Variants in SMAP1 observed in about 807,000 individuals in gnomAD.
The protein encoded by SMAP1 is small ArfGAP 1, also known as stromal membrane-associated protein 1.
SMAP1 carries 24 observed loss-of-function variants against 58.5 expected under a neutral mutation model. That is an observed-to-expected ratio of 0.41 (90% CI 0.30 to 0.58). The LOEUF is 0.58. Among genes scored for constraint, SMAP1 ranks in the 20% least tolerant of loss-of-function variants. SMAP1 has a pLI of 0.29. For missense variants in SMAP1, 563 were observed against 566.3 expected (o/e 0.99, Z 0.06); for synonymous variants, 216 against 196.6 (o/e 1.10, Z -0.82).
intron 1 of SMAP1, among the ~76,000 whole-genome samples, chr6:70,683,574 A>G (rs1419645381): frequency 6.6e-6 from 1 of 152,120 alleles, no homozygotes; most frequent in South Asian, 2.1e-4. Flanking sequence ...TCTCTTGACC[A>G]GTCATTGGGC....
At chr6:70,767,512 T>C (rs1329796794) in intron 3 of SMAP1, among the ~76,000 whole-genome samples, 1 of 152,192 alleles carries the variant, frequency 6.6e-6, no homozygotes, top group Non-Finnish European at 1.5e-5. Context: ...TTTGAAGCAA[T>C]TGTGCATGGG....
At chr6:70,847,610 G>A (rs770002674) in intron 7 of SMAP1, among the ~76,000 whole-genome samples, 2 of 152,044 alleles carry the variant, frequency 1.3e-5, no homozygotes, top group Non-Finnish European at 2.9e-5. Context: ...TTTTCAAGGG[G>A]TCCTTTGTGC....
intron 1 of SMAP1, among the ~76,000 whole-genome samples, chr6:70,713,788 C>G (rs1171160065): frequency 6.6e-6 from 1 of 151,986 alleles, no homozygotes; most frequent in African/African-American, 2.4e-5. Context: ...AGCCCCGTTT[C>G]TTTATTAATT....
chr6:70,821,581 A>G (rs1769893576), intron 6 of SMAP1, among the ~76,000 whole-genome samples: 1 of 152,154 alleles, frequency 6.6e-6, no homozygotes, highest in Non-Finnish European at 1.5e-5. Context: ...ATTGACTACT[A>G]CGTGAAGAAA....
At chr6:70,723,185 G>T (rs1045156909) in intron 1 of SMAP1, among the ~76,000 whole-genome samples, 1 of 152,096 alleles carries the variant, frequency 6.6e-6, no homozygotes, top group Non-Finnish European at 1.5e-5. Context: ...TCAGGCTGGA[G>T]TGCAGTGGCT....
intron 1 of SMAP1, among the ~76,000 whole-genome samples, chr6:70,719,521 C>T (rs1021090696): frequency 1.3e-5 from 2 of 152,138 alleles, no homozygotes; most frequent in African/African-American, 4.8e-5. Context: ...CACCCATTTC[C>T]CCCCTGAACT....
chr6:70,767,902 G>C lies in SMAP1; in HGVS notation c.339-5448G>C, dbSNP rs374871947. On this transcript the variant is annotated intron_variant, in intron 3 of 10. Coordinates refer to ENST00000370455, the MANE Select transcript of SMAP1 (RefSeq NM_001044305.3). ...GGCTGTGGGTTTGTCATAGATAGCTGTTATTATTTTGAGATACGTCCCACC... is the reference window on the plus strand; with the variant it reads ...GGCTGTGGGTTTGTCATAGATAGCTCTTATTATTTTGAGATACGTCCCACC... 1.0e-4 allele frequency among the ~76,000 whole-genome samples: 15 copies of C among 144,076 alleles called. No homozygotes were observed. In the Middle Eastern group the frequency reaches 0.01, roughly 99 times the overall value. The allele number at this position is 144,076 out of a possible 152,430, so 94.5% of individuals were successfully genotyped here. A position where few individuals can be genotyped will look rare whatever the true frequency, so the allele number is the denominator to read the frequency against.
At chr6:70,772,184 G>C (rs1407676171) in intron 3 of SMAP1, among the ~76,000 whole-genome samples, 3 of 152,120 alleles carry the variant, frequency 2.0e-5, no homozygotes, top group Non-Finnish European at 2.9e-5. Context: ...CAGTGGCTCG[G>C]GTAGAAATAA....
chr6:70,769,148 G>T (rs1344397132), intron 3 of SMAP1, among the ~76,000 whole-genome samples: 1 of 152,144 alleles, frequency 6.6e-6, no homozygotes, highest in African/African-American at 2.4e-5. Flanking sequence ...TTTTACATTT[G>T]CTGAGGAGAG....
intron 1 of SMAP1, among the ~76,000 whole-genome samples, chr6:70,686,011 T>C (rs948400674): frequency 6.6e-6 from 1 of 152,140 alleles, no homozygotes; most frequent in Admixed American, 6.6e-5. Flanking sequence ...GCTCAAATGA[T>C]CTTACCTCAG....
intron 6 of SMAP1, among the ~76,000 whole-genome samples, chr6:70,806,848 T>C (rs980036775): frequency 7.9e-5 from 12 of 152,178 alleles, no homozygotes; most frequent in Non-Finnish European, 1.5e-5. Context: ...GTAAACTAAA[T>C]CCTCGAAGGA....
chr6:70,692,406 T>G (rs1166657937), intron 1 of SMAP1, among the ~76,000 whole-genome samples: 1 of 152,258 alleles, frequency 6.6e-6, no homozygotes, highest in Non-Finnish European at 1.5e-5. Flanking sequence ...CTTTGTTGTT[T>G]CCTTTGTTGT....
At chr6:70,716,188 T>C (rs2149842168) in intron 1 of SMAP1, among the ~76,000 whole-genome samples, 1 of 152,334 alleles carries the variant, frequency 6.6e-6, no homozygotes, top group East Asian at 1.9e-4. Context: ...AACATGCATG[T>C]ATTGTGCACT....
chr6:70,817,581 C>T (rs965453847), intron 6 of SMAP1, among the ~76,000 whole-genome samples: 1 of 152,110 alleles, frequency 6.6e-6, no homozygotes, highest in African/African-American at 2.4e-5. Flanking sequence ...TAGTCCAGGA[C>T]TTATTGAGAG....
intron 1 of SMAP1, among the ~76,000 whole-genome samples, chr6:70,674,571 T>TA (rs1766400052): frequency 6.6e-6 from 1 of 152,250 alleles, no homozygotes; most frequent in South Asian, 2.1e-4. Context: ...CTTACATTCT[T>TA]ACCACTGTAA....
In SMAP1 at chr6:70,854,066, G is replaced by A. The variant is rs147103075; in HGVS notation, c.789+1402G>A. Among the ~76,000 whole-genome samples the A allele has an allele frequency of 7.9e-5, 12 of 152,306 alleles. No individual in the cohort carries two copies. In the East Asian group the frequency reaches 9.7e-4, roughly 12 times the overall value. ...CAGCAAGTAGAACAATGCAGACTTCGTTTAATTCTTAAGCACAAGTAGTGC... is the reference window on the plus strand; with the variant it reads ...CAGCAAGTAGAACAATGCAGACTTCATTTAATTCTTAAGCACAAGTAGTGC... On this transcript the variant is annotated intron_variant, in intron 8 of 10. Transcript: ENST00000370455.
intron 2 of SMAP1, among the ~76,000 whole-genome samples, chr6:70,738,164 C>G (rs964431388): frequency 6.6e-6 from 1 of 152,122 alleles, no homozygotes; most frequent in African/African-American, 2.4e-5. Context: ...TCTGAAGTTT[C>G]TTCCATTCTT....
intron 7 of SMAP1, among the ~76,000 whole-genome samples, chr6:70,851,819 G>C (rs1022999550): frequency 2.0e-5 from 3 of 152,178 alleles, no homozygotes; most frequent in Non-Finnish European, 4.4e-5. Flanking sequence ...CCCTTTCCCT[G>C]TACATTGCAG....
chr6:70,708,082 A>T (rs12207501), intron 1 of SMAP1, among the ~76,000 whole-genome samples: 69,784 of 151,836 alleles, frequency 0.46, 16,329 homozygotes, highest in South Asian at 0.5. Context: ...GCAATCTTAC[A>T]TAGCTGTAAA....
Sources: gnomAD v4.1 joint callset for allele counts (sites outside exome capture counted in the v4.1 genomes callset) on GRCh38, gnomAD v4.1.1 for gene constraint, MANE v1.5 for transcripts, NCBI Gene and HGNC (gene_info 2026-07-23, HGNC 2026-07-21) for gene names.